The following UGT1A10 variants were observed in gnomAD, a reference collection of about 807,000 sequenced individuals.
UGT1A10 encodes UDP glucuronosyltransferase family 1 member A10.
UGT1A10 carries 49 observed loss-of-function variants against 45.8 expected under a neutral mutation model. The observed-to-expected ratio is 1.07, with a 90% CI of 0.85 to 1.36. UGT1A10 has a LOEUF of 1.36. Ranked by LOEUF, UGT1A10 falls within the 40% of genes most tolerant of loss-of-function variation. UGT1A10 has a pLI of 0.00. For missense variants in UGT1A10, 745 were observed against 668.6 expected (o/e 1.11, Z -1.26); for synonymous variants, 284 against 249.7 (o/e 1.14, Z -1.29).
At chr2:233,760,292 C>T (rs1437444805) in intron 1 of UGT1A10, 2 of 1,613,246 alleles carry the variant, frequency 1.2e-6, no homozygotes, top group Admixed American at 1.7e-5. Flanking sequence ...GGCGCCATGG[C>T]TGTGGAGTCC....
chr2:233,722,321 T>A (rs28899187), intron 1 of UGT1A10, among the ~76,000 whole-genome samples: 12,148 of 152,290 alleles, frequency 0.08, 622 homozygotes, highest in East Asian at 0.2. Flanking sequence ...TTGGTTTGGT[T>A]GACCCTTAGA....
intron 1 of UGT1A10, chr2:233,754,697 C>T (rs1559399199): frequency 1.4e-5 from 7 of 503,130 alleles, no homozygotes; most frequent in Admixed American, 1.2e-4. Flanking sequence ...CAGTGGAAGT[C>T]GACATGGACT....
Position 233,768,400 on chromosome 2 carries a change from A to T in UGT1A10, c.1256A>T (p.Asp419Val). The change falls in exon 4 of 5, where the codon GAT becomes GTT. Residue 419 changes from aspartate (D) to valine (V), a missense_variant. Transcript: ENST00000344644. ...TLNVLEMTSE[D>V]LENALKAVIN... ...AATGTTCTGGAAATGACTTCTGAAG[A>T]TTTAGAAAATGCTCTAAAAGCAGTC... The T allele has an allele frequency of 6.2e-7, 1 of 1,614,204 alleles. No homozygotes were observed. The highest frequency in any genetic ancestry group is 8.5e-7 in the Non-Finnish European group (1 of 1,180,040).
At chr2:233,655,053 C>G (rs1464630053) in intron 1 of UGT1A10, among the ~76,000 whole-genome samples, 1 of 151,984 alleles carries the variant, frequency 6.6e-6, no homozygotes, top group African/African-American at 2.4e-5. Context: ...CATACCACTG[C>G]ACTCCAGCCT....
chr2:233,703,154 T>C (rs867081835), intron 1 of UGT1A10, among the ~76,000 whole-genome samples: 24 of 152,318 alleles, frequency 1.6e-4, no homozygotes, highest in African/African-American at 4.8e-4. Context: ...ATTTTGTATT[T>C]CTTCTTGATT....
chr2:233,727,330 C>T (rs574704586), intron 1 of UGT1A10, among the ~76,000 whole-genome samples: 1 of 152,238 alleles, frequency 6.6e-6, no homozygotes, highest in East Asian at 1.9e-4. Flanking sequence ...ACCAGGAGCT[C>T]CTCCCTCCCC....
At chr2:233,649,225 C>T (rs868307236) in intron 1 of UGT1A10, among the ~76,000 whole-genome samples, 6 of 152,220 alleles carry the variant, frequency 3.9e-5, no homozygotes, top group South Asian at 2.1e-4. Context: ...TATGTGTATA[C>T]GATTGGTTAA....
chr2:233,712,695 C>T (rs2076249622), intron 1 of UGT1A10, among the ~76,000 whole-genome samples: 1 of 152,134 alleles, frequency 6.6e-6, no homozygotes, highest in Non-Finnish European at 1.5e-5. Flanking sequence ...TGGGGGTTCA[C>T]AGCCTTGTGT....
At chr2:233,759,776 G>A (rs1697250630) in intron 1 of UGT1A10, among the ~76,000 whole-genome samples, 1 of 152,160 alleles carries the variant, frequency 6.6e-6, no homozygotes, top group African/African-American at 2.4e-5. Context: ...ATTGTTGGAC[G>A]AAGGAATGAA....
chr2:233,755,827 T>C (rs1696034290), intron 1 of UGT1A10: 1 of 152,236 alleles, frequency 6.6e-6, no homozygotes, highest in Admixed American at 6.5e-5. Flanking sequence ...AAAAGACATA[T>C]TCATTGGGCA....
intron 1 of UGT1A10, among the ~76,000 whole-genome samples, chr2:233,714,226 A>T (rs533921127): frequency 6.6e-6 from 1 of 152,290 alleles, no homozygotes; most frequent in South Asian, 2.1e-4. Context: ...TGCTGGCAAG[A>T]TTTTCAGTAG....
At chr2:233,740,238 G>A (rs1254751502) in intron 1 of UGT1A10, among the ~76,000 whole-genome samples, 1 of 151,796 alleles carries the variant, frequency 6.6e-6, no homozygotes, top group Non-Finnish European at 1.5e-5. Context: ...AGCAGGCTGA[G>A]AATAGACTAA....
At chr2:233,695,410 T>C (rs1319297669) in intron 1 of UGT1A10, among the ~76,000 whole-genome samples, 3 of 148,278 alleles carry the variant, frequency 2.0e-5, no homozygotes, top group African/African-American at 7.4e-5. Context: ...AGGCGTGAGC[T>C]ACCGCGCCCG....
At chr2:233,729,252 CA>C (rs761976281) in intron 1 of UGT1A10, 199 of 1,614,124 alleles carry the variant, frequency 1.2e-4, no homozygotes, top group Non-Finnish European at 1.6e-4. Context: ...GCCACTGGCT[CA>C]GCATGCGGGA....
chr2:233,711,968 G>T (rs545483514), intron 1 of UGT1A10, among the ~76,000 whole-genome samples: 6 of 152,338 alleles, frequency 3.9e-5, no homozygotes, highest in African/African-American at 1.4e-4. Flanking sequence ...TTTGAAATTT[G>T]AACTAGAGCC....
intron 1 of UGT1A10, chr2:233,691,412 G>GC: frequency 3.0e-6 from 3 of 985,558 alleles, no homozygotes; most frequent in Non-Finnish European, 3.6e-6. Context: ...CCTTGGAGTG[G>GC]CCCCTCTAAT....
intron 1 of UGT1A10, chr2:233,648,988 G>A: frequency 7.0e-7 from 1 of 1,423,478 alleles, no homozygotes; most frequent in Non-Finnish European, 9.7e-7. Flanking sequence ...GATCTTCATT[G>A]GTGGTATCAA....
At chr2:233,737,806 C>T (rs575024235) in intron 1 of UGT1A10, among the ~76,000 whole-genome samples, 1 of 152,098 alleles carries the variant, frequency 6.6e-6, no homozygotes, top group Non-Finnish European at 1.5e-5. Context: ...TCACTATCAT[C>T]TCAGTGGAGC....
chr2:233,681,996 G>T (rs1178155998), intron 1 of UGT1A10: 1 of 1,614,062 alleles, frequency 6.2e-7, no homozygotes, highest in South Asian at 1.1e-5. Flanking sequence ...CTGCTGACCT[G>T]TGGCTTTGCC....
Sources: allele counts gnomAD v4.1 joint callset (sites outside exome capture counted in the v4.1 genomes callset), GRCh38; gene constraint gnomAD v4.1.1; transcripts MANE v1.5; gene names NCBI Gene and HGNC (gene_info 2026-07-23, HGNC 2026-07-21).